The following RNF180 variants were observed in gnomAD, a reference collection of about 807,000 sequenced individuals.
The protein encoded by RNF180 is ring finger protein 180.
Under a neutral mutation model 59.2 loss-of-function variants are expected in RNF180, and 38 were observed. That is an observed-to-expected ratio of 0.64 (90% CI 0.50 to 0.84). RNF180 has a LOEUF of 0.84. Ranked by LOEUF, RNF180 falls within the 40% of genes least tolerant of loss-of-function variation. RNF180 has a pLI of 0.00. For missense variants in RNF180, 705 were observed against 700.9 expected, an observed-to-expected ratio of 1.01 and a Z score of -0.07; for synonymous variants, 262 against 240.3, an observed-to-expected ratio of 1.09 and a Z score of -0.84.
chr5:64,200,639 T>C (rs1751694240), intron 1 of RNF180, among the ~76,000 whole-genome samples, 169 bp from the exon 2 acceptor site: 1 of 152,196 alleles, frequency 6.6e-6, no homozygotes, highest in Admixed American at 6.5e-5. Context: ...CAATCTCAGA[T>C]GTAATGTATA....
intron 7 of RNF180, among the ~76,000 whole-genome samples, chr5:64,363,348 G>C (rs1195679208): frequency 6.6e-6 from 1 of 151,858 alleles, no homozygotes; most frequent in East Asian, 1.9e-4. Context: ...ATTGAAGAGA[G>C]AATACTTTCC....
intron 1 of RNF180, among the ~76,000 whole-genome samples, chr5:64,192,409 C>T (rs1243378583): frequency 2.0e-5 from 3 of 152,114 alleles, no homozygotes; most frequent in Non-Finnish European, 4.4e-5. Flanking sequence ...CGCAGTGGCT[C>T]ACTCCTGTAA....
In RNF180 at chr5:64,212,109, G is replaced by A. The variant is rs765050615; in HGVS notation, c.180G>A (p.Trp60Ter). ...SVDAQNICHV[W>*]HMNVEALPEW... ...ATGCTCAAAATATTTGTCATGTGTG[G>A]CACATGAATGTAGAAGCCCTTCCAG... Residue 60 changes from tryptophan to a stop codon, truncating the protein, a stop_gained, in exon 3 of 8, where the codon TGG becomes TGA. Coordinates refer to ENST00000389100, the MANE Select transcript of RNF180 (RefSeq NM_001113561.2). LOFTEE classifies it high-confidence loss of function. 1 of 1,607,334 alleles carries A rather than the reference G, an allele frequency of 6.2e-7. No homozygotes were observed. Among genetic ancestry groups the A allele is most frequent in the Non-Finnish European group, 8.5e-7 (1 of 1,174,142 alleles).
intron 5 of RNF180, among the ~76,000 whole-genome samples, chr5:64,227,311 C>T (rs1741828391): frequency 6.6e-6 from 1 of 152,172 alleles, no homozygotes; most frequent in Non-Finnish European, 1.5e-5. Flanking sequence ...AACTCTGGAG[C>T]CCAGCACCCC....
intron 5 of RNF180, among the ~76,000 whole-genome samples, chr5:64,218,851 A>T (rs955914573): frequency 6.6e-6 from 1 of 152,150 alleles, no homozygotes; most frequent in African/African-American, 2.4e-5. Flanking sequence ...TTTTTGACTC[A>T]CAATTATATA....
At chr5:64,340,345 T>C (rs1331918373) in intron 7 of RNF180, among the ~76,000 whole-genome samples, 2 of 152,216 alleles carry the variant, frequency 1.3e-5, no homozygotes, top group African/African-American at 4.8e-5. Flanking sequence ...GTGTCTGATA[T>C]ATATTTATGA....
intron 5 of RNF180, among the ~76,000 whole-genome samples, chr5:64,259,548 T>C (rs16892580): frequency 0.012 from 1,770 of 152,306 alleles, 34 homozygotes; most frequent in African/African-American, 0.04. Context: ...TCCTATTGTC[T>C]GAACTTTAAT....
rs75033467 is a variant in RNF180 at position 64,294,012 on chromosome 5, G to A, written c.1228-31174G>A. 3.1e-4 allele frequency among the ~76,000 whole-genome samples: 47 copies of A among 152,116 alleles called. No homozygotes were observed. In the East Asian group the frequency reaches 7.1e-3, roughly 23 times the overall value. On this transcript the variant is annotated intron_variant, in intron 5 of 7. Coordinates refer to ENST00000389100, the MANE Select transcript of RNF180 (RefSeq NM_001113561.2). ...AATGCATATTTTTAGCTATGTATGC[G>A]TGATGCATGGGCCTACATACTTCAA...
chr5:64,269,568 T>C (rs72752827), intron 5 of RNF180, among the ~76,000 whole-genome samples: 13,963 of 152,182 alleles, frequency 0.092, 774 homozygotes, highest in South Asian at 0.17. Context: ...GTGGAAATGA[T>C]TTTCAAAAAA....
chr5:64,240,561 G>C (rs916416072), intron 5 of RNF180, among the ~76,000 whole-genome samples: 9 of 152,342 alleles, frequency 5.9e-5, no homozygotes, highest in African/African-American at 2.2e-4. Flanking sequence ...GGGTGACAGA[G>C]TTACTTCAGC....
Position 64,330,663 on chromosome 5 carries a change from T to C in RNF180, c.1579+257T>C, listed in dbSNP as rs569483693. Among the ~76,000 whole-genome samples the C allele has an allele frequency of 4.6e-5, 7 of 152,344 alleles. No individual in the cohort carries two copies. In the East Asian group the frequency reaches 1.3e-3, roughly 29 times the overall value. ...TGCCATGCTATCACTGTTTAGTACA[T>C]AGATAATGAAAATACGTCTCAAAAG... On this transcript the variant is annotated intron_variant, in intron 7 of 7. Coordinates refer to ENST00000389100, the MANE Select transcript of RNF180 (RefSeq NM_001113561.2).
intron 5 of RNF180, among the ~76,000 whole-genome samples, chr5:64,235,913 G>A (rs1180005793): frequency 6.6e-6 from 1 of 152,210 alleles, no homozygotes; most frequent in African/African-American, 2.4e-5. Context: ...GGAACTGTGA[G>A]TTAATTAAAC....
chr5:64,306,143 G>A (rs937868285), intron 5 of RNF180, among the ~76,000 whole-genome samples: 6 of 151,604 alleles, frequency 4.0e-5, no homozygotes, highest in African/African-American at 1.5e-4. Context: ...CATTTGAAAA[G>A]AGCTAAGCTA....
At chr5:64,273,143 C>T (rs1741513175) in intron 5 of RNF180, among the ~76,000 whole-genome samples, 1 of 151,770 alleles carries the variant, frequency 6.6e-6, no homozygotes, top group Non-Finnish European at 1.5e-5. Flanking sequence ...TATTAGCATG[C>T]TAAAAAACAC....
chr5:64,363,953 C>T (rs1478520268), intron 7 of RNF180, among the ~76,000 whole-genome samples: 1 of 151,760 alleles, frequency 6.6e-6, no homozygotes, highest in Non-Finnish European at 1.5e-5. Flanking sequence ...TGAGAATCTG[C>T]TGAATTTGCT....
chr5:64,234,057 T>C (rs1056268557), intron 5 of RNF180, among the ~76,000 whole-genome samples: 1 of 152,252 alleles, frequency 6.6e-6, no homozygotes, highest in African/African-American at 2.4e-5. Flanking sequence ...GTGATTTAGC[T>C]GTATGCTCTT....
chr5:64,300,564 T>A (rs1203397101), intron 5 of RNF180, among the ~76,000 whole-genome samples: 1 of 151,844 alleles, frequency 6.6e-6, no homozygotes, highest in Non-Finnish European at 1.5e-5. Flanking sequence ...TAGCTGTGGT[T>A]TCAGGCATCT....
chr5:64,273,292 CCT>C (rs975043065), intron 5 of RNF180, among the ~76,000 whole-genome samples: 1 of 151,924 alleles, frequency 6.6e-6, no homozygotes, highest in Admixed American at 6.6e-5. Flanking sequence ...ATAATCCACC[CCT>C]TGTTTAGCAT....
intron 7 of RNF180, among the ~76,000 whole-genome samples, chr5:64,340,057 T>G (rs1745298937): frequency 2.0e-5 from 3 of 152,142 alleles, no homozygotes; most frequent in Non-Finnish European, 4.4e-5. Flanking sequence ...AATCCTCAGT[T>G]TATTTGAACA....
Sources: gnomAD v4.1 joint callset for allele counts (sites outside exome capture counted in the v4.1 genomes callset) on GRCh38, gnomAD v4.1.1 for gene constraint, MANE v1.5 for transcripts, NCBI Gene and HGNC (gene_info 2026-07-23, HGNC 2026-07-21) for gene names.